Variants in IL1RAPL2 observed in about 807,000 individuals in gnomAD.
IL1RAPL2 encodes the protein X-linked interleukin-1 receptor accessory protein-like 2.
A neutral mutation model predicts 44.1 loss-of-function variants in IL1RAPL2; 3 were observed. The observed-to-expected ratio is 0.07, with a 90% confidence interval of 0.03 to 0.18. The LOEUF (loss-of-function observed/expected upper bound fraction) is 0.18, where lower values mean the gene tolerates loss of function less well. IL1RAPL2 is among the 10% of genes least tolerant of loss of function. IL1RAPL2 has a pLI of 1.00. For missense variants in IL1RAPL2, 391 were observed against 496.4 expected (o/e 0.79, Z 2.02); for synonymous variants, 181 against 178.8 (o/e 1.01, Z -0.10).
chrX:105,478,310 A>T lies in IL1RAPL2; in HGVS notation c.698-6003A>T, dbSNP rs188781459. Among the ~76,000 whole-genome samples the T allele has an allele frequency of 1.8e-4, 20 of 111,177 alleles. No individual in the cohort carries two copies. In the East Asian group the frequency reaches 5.7e-3, roughly 32 times the overall value. On this transcript the variant is annotated intron_variant, in intron 5 of 10. Coordinates refer to ENST00000372582, the MANE Select transcript of IL1RAPL2 (RefSeq NM_017416.2). ...AGGCCAGGGAAGCTGCTAAACATCC[A>T]ACAATGCATGGGACAGTCACCTACA... is the stretch of plus-strand genomic sequence containing the variant.
intron 1 of IL1RAPL2, among the ~76,000 whole-genome samples, chrX:104,615,181 T>TA (rs753842725): frequency 4.6e-4 from 51 of 111,547 alleles, no homozygotes; most frequent in Middle Eastern, 4.6e-3. Flanking sequence ...GGTCTAGTGG[T>TA]AAAAAAATTT....
chrX:105,531,820 TCCC>T (rs2036638808), intron 6 of IL1RAPL2, among the ~76,000 whole-genome samples: 1 of 111,978 alleles, frequency 8.9e-6, no homozygotes, highest in Non-Finnish European at 1.9e-5. Context: ...CACTGGCTTT[TCCC>T]CAGTGTTTGT....
intron 2 of IL1RAPL2, among the ~76,000 whole-genome samples, chrX:105,168,871 C>A (rs920557508): frequency 1.8e-5 from 2 of 110,495 alleles, no homozygotes; most frequent in African/African-American, 6.6e-5. Flanking sequence ...CTCATAGACA[C>A]GCCAGAATAA....
At chrX:104,614,552 T>C (rs1929230645) in intron 1 of IL1RAPL2, among the ~76,000 whole-genome samples, 1 of 111,659 alleles carries the variant, frequency 9.0e-6, no homozygotes, top group Non-Finnish European at 1.9e-5. Flanking sequence ...TGATCAAATG[T>C]TGAGTTCAAG....
intron 2 of IL1RAPL2, among the ~76,000 whole-genome samples, chrX:104,898,636 A>C (rs1268105870): frequency 1.8e-5 from 2 of 112,314 alleles, no homozygotes; most frequent in Non-Finnish European, 3.8e-5. Flanking sequence ...TTCCCTGCCA[A>C]TTTTGTATAA....
chrX:104,702,887 C>T (rs1279172609), intron 2 of IL1RAPL2, among the ~76,000 whole-genome samples: 1 of 111,626 alleles, frequency 9.0e-6, no homozygotes, highest in East Asian at 2.8e-4. Flanking sequence ...CTCAGTTTTG[C>T]TTGAACTCAT....
At chrX:105,740,027 T>G (rs1251369128) in intron 7 of IL1RAPL2, among the ~76,000 whole-genome samples, 1 of 104,151 alleles carries the variant, frequency 9.6e-6, no homozygotes, top group African/African-American at 3.5e-5. Flanking sequence ...CCTGACTTTT[T>G]AATGATTGCC....
chrX:105,706,142 A>C (rs2038164177), intron 6 of IL1RAPL2, among the ~76,000 whole-genome samples: 1 of 110,585 alleles, frequency 9.0e-6, no homozygotes. Flanking sequence ...TTCCCTGTGA[A>C]TTTGGAAGAG....
chrX:105,712,275 T>C (rs2038217235), intron 6 of IL1RAPL2, among the ~76,000 whole-genome samples: 1 of 111,749 alleles, frequency 8.9e-6, no homozygotes, highest in African/African-American at 3.3e-5. Flanking sequence ...AGATTATACC[T>C]TCCATTTTGG....
intron 2 of IL1RAPL2, among the ~76,000 whole-genome samples, chrX:105,057,570 A>G (rs2032009995): frequency 9.0e-6 from 1 of 110,934 alleles, no homozygotes; most frequent in South Asian, 3.8e-4. Flanking sequence ...TCCTATGCCA[A>G]ACAATAATCT....
chrX:105,144,344 G>C (rs1186889419), intron 2 of IL1RAPL2, among the ~76,000 whole-genome samples: 1 of 110,977 alleles, frequency 9.0e-6, no homozygotes, highest in East Asian at 2.8e-4. Context: ...ACCTATGGTA[G>C]GTAAATGAGC....
intron 2 of IL1RAPL2, among the ~76,000 whole-genome samples, chrX:105,041,758 C>T (rs995732477): frequency 1.1e-4 from 12 of 108,249 alleles, no homozygotes; most frequent in Admixed American, 2.0e-4. Context: ...AAAAAGAGCC[C>T]GCATCGCCAA....
At chrX:104,708,227 A>G (rs772419068) in intron 2 of IL1RAPL2, among the ~76,000 whole-genome samples, 1 of 111,691 alleles carries the variant, frequency 9.0e-6, no homozygotes, top group South Asian at 3.7e-4. Context: ...ATCTGTTGGC[A>G]TTCATATCAT....
At chrX:105,151,111 G>A (rs1157520999) in intron 2 of IL1RAPL2, among the ~76,000 whole-genome samples, 1 of 111,849 alleles carries the variant, frequency 8.9e-6, no homozygotes, top group Non-Finnish European at 1.9e-5. Context: ...ATAATGCTGG[G>A]AAATCTCATC....
intron 2 of IL1RAPL2, among the ~76,000 whole-genome samples, chrX:104,762,344 A>C (rs113308263): frequency 0.054 from 5,972 of 111,278 alleles, 423 homozygotes; most frequent in African/African-American, 0.19. Flanking sequence ...CTTTGATTCC[A>C]TGTCTCACCT....
At chrX:105,432,962 T>C (rs1029965486) in intron 5 of IL1RAPL2, among the ~76,000 whole-genome samples, 3 of 111,523 alleles carry the variant, frequency 2.7e-5, no homozygotes, top group Non-Finnish European at 5.7e-5. Context: ...ACACTTGTAA[T>C]GTTATAGACC....
chrX:105,149,678 C>T (rs1039347542), intron 2 of IL1RAPL2, among the ~76,000 whole-genome samples: 3 of 109,446 alleles, frequency 2.7e-5, no homozygotes, highest in Non-Finnish European at 5.7e-5. Context: ...CTGAAAAATA[C>T]AAAAATTAGC....
chrX:104,611,974 C>A (rs1265125489), intron 1 of IL1RAPL2, among the ~76,000 whole-genome samples: 4 of 110,951 alleles, frequency 3.6e-5, no homozygotes, highest in Non-Finnish European at 5.7e-5. Context: ...TGTTTCTTGG[C>A]CACTTGTATG....
At chrX:104,828,209 T>C (rs1357295464) in intron 2 of IL1RAPL2, among the ~76,000 whole-genome samples, 1 of 112,094 alleles carries the variant, frequency 8.9e-6, no homozygotes, top group African/African-American at 3.2e-5. Context: ...AAGAGGCATT[T>C]TGGTTTTTTG....
Sources: allele counts gnomAD v4.1 joint callset (sites outside exome capture counted in the v4.1 genomes callset), GRCh38; gene constraint gnomAD v4.1.1; transcripts MANE v1.5; gene names NCBI Gene and HGNC (gene_info 2026-07-23, HGNC 2026-07-21).